OSMR: variants seen among roughly 807,000 people sequenced by gnomAD.
OSMR encodes oncostatin-M-specific receptor subunit beta.
A neutral mutation model predicts 99.9 loss-of-function variants in OSMR; 81 were observed. That is an observed-to-expected ratio of 0.81 (90% CI 0.68 to 0.97). The LOEUF is 0.97. Among genes scored for constraint, OSMR ranks in the 50% least tolerant of loss-of-function variants. The pLI, the probability that OSMR is intolerant of heterozygous loss-of-function variation, is 0.00. For synonymous variants in OSMR, 406 were observed against 410.4 expected, an observed-to-expected ratio of 0.99 and a Z score of 0.13; for missense variants, 1,099 against 1,153.4, an observed-to-expected ratio of 0.95 and a Z score of 0.68.
intron 9 of OSMR, among the ~76,000 whole-genome samples, chr5:38,913,539 G>T: frequency 7.7e-6 from 1 of 129,074 alleles, no homozygotes. Context: ...GACAGAGTGA[G>T]ACTCCATCTC....
intron 4 of OSMR, among the ~76,000 whole-genome samples, chr5:38,882,444 G>A (rs545661313): frequency 3.9e-5 from 6 of 152,244 alleles, no homozygotes; most frequent in African/African-American, 9.6e-5. Context: ...GCATGGTGAC[G>A]GGCACCTGTA....
intron 7 of OSMR, among the ~76,000 whole-genome samples, chr5:38,898,665 GTCTTA>G (rs1744679851): frequency 6.6e-6 from 1 of 151,890 alleles, no homozygotes; most frequent in Non-Finnish European, 1.5e-5. Context: ...TTGTTTTATG[GTCTTA>G]TCTTTCTTCT....
At position 38,925,171 on chromosome 5, in the gene OSMR, TC is replaced by T. The variant is rs750356076; in HGVS notation, c.2045-31del. 1,125 of 1,612,512 alleles carry T rather than the reference TC, an allele frequency of 7.0e-4. 1 individual carries two copies. The highest frequency in any genetic ancestry group is 8.9e-4 in the Non-Finnish European group (1,054 of 1,179,120). On this transcript the variant is annotated intron_variant, in intron 14 of 17. Transcript: ENST00000274276. ...AACACTTTTAATAAAATCTTTTTTTTCCTTGAAAAAAAAACCATTTAAAAAA... is the reference window on the plus strand; with the variant it reads ...AACACTTTTAATAAAATCTTTTTTTTCTTGAAAAAAAAACCATTTAAAAAA...
chr5:38,867,263 T>C (rs1742019493), intron 1 of OSMR, among the ~76,000 whole-genome samples: 1 of 152,208 alleles, frequency 6.6e-6, no homozygotes, highest in Non-Finnish European at 1.5e-5. Flanking sequence ...CTGTTTGCAA[T>C]TGGGCTTAGC....
intron 2 of OSMR, among the ~76,000 whole-genome samples, chr5:38,870,117 C>A (rs966553781): frequency 2.0e-5 from 3 of 151,934 alleles, no homozygotes; most frequent in Admixed American, 2.0e-4. Context: ...ATTTTAGGTC[C>A]AGGGCACATG....
downstream of OSMR, chr5:38,939,458 C>A: frequency 4.3e-6 from 1 of 232,134 alleles, no homozygotes; most frequent in Non-Finnish European, 8.5e-6. Flanking sequence ...CAGACTGTTT[C>A]CCCCTTCCAA....
chr5:38,899,782 A>G (rs1744775581), intron 7 of OSMR, among the ~76,000 whole-genome samples: 2 of 152,144 alleles, frequency 1.3e-5, no homozygotes, highest in Non-Finnish European at 2.9e-5. Flanking sequence ...GGTATCCAAG[A>G]TGCAAGACAA....
chr5:38,854,996 T>C (rs1740729510), intron 1 of OSMR, among the ~76,000 whole-genome samples: 1 of 152,168 alleles, frequency 6.6e-6, no homozygotes, highest in South Asian at 2.1e-4. Flanking sequence ...ATGAGAGAGC[T>C]GGCTGCCTTT....
At chr5:38,888,710 C>T (rs78162205) in intron 7 of OSMR, among the ~76,000 whole-genome samples, 7,688 of 152,188 alleles carry the variant, frequency 0.051, 256 homozygotes, top group South Asian at 0.17. Context: ...TTACCTGTTA[C>T]ATCATCTCCC....
chr5:38,901,015 T>G (rs1035064544), intron 7 of OSMR, among the ~76,000 whole-genome samples: 1 of 152,244 alleles, frequency 6.6e-6, no homozygotes, highest in Non-Finnish European at 1.5e-5. Flanking sequence ...CACTCAGTTG[T>G]TTTTCTTCTG....
chr5:38,862,080 C>T (rs1333382573), intron 1 of OSMR, among the ~76,000 whole-genome samples: 3 of 72,072 alleles, frequency 4.2e-5, no homozygotes, highest in South Asian at 6.6e-4. Context: ...CCGGACGGGG[C>T]GGCTGGCCGG....
At chr5:38,884,336 G>C (rs999432920) in intron 5 of OSMR, among the ~76,000 whole-genome samples, 1 of 152,070 alleles carries the variant, frequency 6.6e-6, no homozygotes, top group Non-Finnish European at 1.5e-5. Flanking sequence ...GAAATCAATA[G>C]TATTAAAGAA....
chr5:38,897,897 G>A (rs1474200611), intron 7 of OSMR, among the ~76,000 whole-genome samples: 1 of 152,016 alleles, frequency 6.6e-6, no homozygotes, highest in African/African-American at 2.4e-5. Context: ...TAATTTCTAT[G>A]TAGTTTATAG....
chr5:38,879,670 G>A (rs3792858), intron 3 of OSMR, among the ~76,000 whole-genome samples: 23,882 of 149,254 alleles, frequency 0.16, 2,431 homozygotes, highest in Admixed American at 0.24. Context: ...GTTGCCCAGG[G>A]TGGAGTGCAG....
rs1745048862 is a variant in OSMR at position 38,903,863 on chromosome 5, T to G, written c.992-19T>G. 1 of 1,603,382 alleles carries G rather than the reference T, an allele frequency of 6.2e-7. No individual in the cohort carries two copies. The highest frequency in any genetic ancestry group is 8.5e-7 in the Non-Finnish European group (1 of 1,173,722). On this transcript the variant is annotated intron_variant, in intron 7 of 17. Coordinates refer to ENST00000274276, the MANE Select transcript of OSMR (RefSeq NM_003999.3). ...ATCTATGCTTGAATTTTTTTGTTTC[T>G]TTTTCTTTTTTTTGACAGTTTATTT...
intron 1 of OSMR, among the ~76,000 whole-genome samples, chr5:38,854,314 A>G (rs1367402361): frequency 6.6e-6 from 1 of 152,190 alleles, no homozygotes; most frequent in Admixed American, 6.5e-5. Context: ...TGTGGTGAGG[A>G]AACTTCCCAG....
At chr5:38,945,523 C>A, downstream of OSMR, 1 of 1,613,878 alleles carries the variant, frequency 6.2e-7, no homozygotes, top group Non-Finnish European at 8.5e-7. Context: ...CAGTTGGTTG[C>A]TGGGCTGGAA....
At chr5:38,854,003 C>G (rs1261692639) in intron 1 of OSMR, among the ~76,000 whole-genome samples, 5 of 151,278 alleles carry the variant, frequency 3.3e-5, no homozygotes, top group Admixed American at 2.6e-4. Context: ...GCAGAGGCCT[C>G]TTCAAAGGGG....
In OSMR at chr5:38,904,016, A is replaced by G. The variant is rs954029737; in HGVS notation, c.1126A>G (p.Met376Val). The G allele has an allele frequency of 6.2e-7, 1 of 1,614,130 alleles. No homozygotes were observed. Among genetic ancestry groups the G allele is most frequent in the African/African-American group, 1.3e-5 (1 of 75,068 alleles). The change falls in exon 8 of 18, where the codon ATG becomes GTG. Residue 376 changes from methionine to valine, a missense_variant. Met to Val is a conservative substitution (Grantham distance 21). Coordinates refer to ENST00000274276, the MANE Select transcript of OSMR (RefSeq NM_003999.3). ...GATTGAACTCCATGGTGAAGGAAAA[A>G]TGATGCAAGTAAGAACCCTGCTTAA... Reference protein sequence around the residue: ...CQIELHGEGKMMQYNVSIKVN... With the variant: ...CQIELHGEGKVMQYNVSIKVN...
Sources: allele counts gnomAD v4.1 joint callset (sites outside exome capture counted in the v4.1 genomes callset), GRCh38; gene constraint gnomAD v4.1.1; transcripts MANE v1.5; gene names NCBI Gene and HGNC (gene_info 2026-07-23, HGNC 2026-07-21).